Variants in ATP8A1 observed in about 807,000 individuals in gnomAD.
ATP8A1 encodes ATPase phospholipid transporting 8A1, also known as phospholipid-transporting ATPase IA.
Under a neutral mutation model 177.7 loss-of-function variants are expected in ATP8A1, and 90 were observed. That is an observed-to-expected ratio of 0.51 (90% CI 0.43 to 0.60). The LOEUF is 0.60. Among genes scored for constraint, ATP8A1 ranks in the 20% least tolerant of loss-of-function variants. The pLI, the probability that ATP8A1 is intolerant of heterozygous loss-of-function variation, is 0.00. For synonymous variants in ATP8A1, 493 were observed against 485.9 expected (o/e 1.01, Z -0.19); for missense variants, 1,072 against 1,392.8 (o/e 0.77, Z 3.67).
intron 16 of ATP8A1, 113 bp from the exon 17 acceptor site, chr4:42,552,723 C>T (rs577250827): frequency 2.7e-6 from 2 of 738,230 alleles, no homozygotes; most frequent in African/African-American, 3.6e-5. Flanking sequence ...CATGGTAGCT[C>T]ACACCTGTAA....
intron 5 of ATP8A1, among the ~76,000 whole-genome samples, chr4:42,607,043 T>C (rs1027059608): frequency 2.0e-5 from 3 of 152,220 alleles, no homozygotes; most frequent in Non-Finnish European, 4.4e-5. Flanking sequence ...TACCTTTACA[T>C]CCCTACACTG....
In ATP8A1 at chr4:42,418,964, T is replaced by C. The variant is rs138551720; in HGVS notation, c.3305+3843A>G. 3.9e-5 allele frequency among the ~76,000 whole-genome samples: 6 copies of C among 152,346 alleles called. No individual in the cohort carries two copies. In the East Asian group the frequency reaches 7.7e-4, roughly 20 times the overall value. ...CATTTTATACACAACTTGAGTTTAA[T>C]AGTCATACTTACTGAAGATTAAAAA... On this transcript the variant is annotated intron_variant, in intron 35 of 36. Transcript: ENST00000381668.
At chr4:42,574,778 C>A in intron 13 of ATP8A1, 71 bp from the exon 14 acceptor site, 1 of 1,052,258 alleles carries the variant, frequency 9.5e-7, no homozygotes, top group South Asian at 1.5e-5. Flanking sequence ...AGAAACCCCT[C>A]ATGCTTTTTA....
Position 42,479,996 on chromosome 4 carries a change from T to TTGTGTATGTG in ATP8A1, c.2324+5499_2324+5500insCACATACACA, listed in dbSNP as rs71200290. Among the ~76,000 whole-genome samples the TTGTGTATGTG allele has an allele frequency of 2.7e-3, 366 of 135,658 alleles. 1 individual carries two copies. The highest frequency in any genetic ancestry group is 3.9e-3 in the Non-Finnish European group (248 of 64,256). The allele number at this position is 135,658 out of a possible 152,430, so 89.0% of individuals were successfully genotyped here. ...AGAATTATGTAATCTGCAGTTCTGC[T>TTGTGTATGTG]TGTGTGTGTGTGTGTGTGTGTGTGT... On this transcript the variant is annotated intron_variant, in intron 25 of 36. Transcript: ENST00000381668.
intron 27 of ATP8A1, among the ~76,000 whole-genome samples, chr4:42,458,982 A>G (rs1045495061): frequency 6.6e-6 from 1 of 152,236 alleles, no homozygotes; most frequent in African/African-American, 2.4e-5. Flanking sequence ...TTTTCTGTCT[A>G]TTCATTCACA....
intron 6 of ATP8A1, among the ~76,000 whole-genome samples, chr4:42,594,994 A>G (rs766703476): frequency 6.6e-6 from 1 of 152,136 alleles, no homozygotes; most frequent in Non-Finnish European, 1.5e-5. Flanking sequence ...AGATAAAGAG[A>G]TACTATTTTC....
At chr4:42,574,032 T>C (rs1732166901) in intron 14 of ATP8A1, among the ~76,000 whole-genome samples, 2 of 152,218 alleles carry the variant, frequency 1.3e-5, no homozygotes. Context: ...CTTGTAAGCA[T>C]ACCTGGAAGT....
chr4:42,464,619 C>T (rs548367559), intron 27 of ATP8A1, 71 bp downstream of exon 27: 20 of 848,808 alleles, frequency 2.4e-5, no homozygotes, highest in Admixed American at 9.8e-5. Context: ...CATGAGAAAA[C>T]GTCTCCATAA....
At chr4:42,648,650 A>T (rs1006765498) in intron 1 of ATP8A1, among the ~76,000 whole-genome samples, 110 of 152,114 alleles carry the variant, frequency 7.2e-4, no homozygotes, top group Non-Finnish European at 1.4e-3. Context: ...GCAGAAATTT[A>T]AAAAAAGGAA....
chr4:42,631,765 T>C (rs907065545), intron 1 of ATP8A1, among the ~76,000 whole-genome samples: 12 of 152,208 alleles, frequency 7.9e-5, no homozygotes, highest in African/African-American at 2.7e-4. Flanking sequence ...CCAATGGGAT[T>C]ACCAAATCCT....
chr4:42,536,145 A>G (rs139687693), intron 20 of ATP8A1, among the ~76,000 whole-genome samples: 232 of 152,332 alleles, frequency 1.5e-3, no homozygotes, highest in Non-Finnish European at 1.8e-3. Flanking sequence ...ACAACTATAA[A>G]ATATAAATTA....
intron 3 of ATP8A1, among the ~76,000 whole-genome samples, chr4:42,624,932 A>T (rs1195197204): frequency 6.6e-6 from 1 of 152,106 alleles, no homozygotes; most frequent in Non-Finnish European, 1.5e-5. Context: ...TAGAAACACA[A>T]TGAATAACTG....
chr4:42,540,454 A>G (rs1310811735), intron 20 of ATP8A1, among the ~76,000 whole-genome samples: 2 of 152,016 alleles, frequency 1.3e-5, no homozygotes, highest in East Asian at 1.9e-4. Flanking sequence ...AAAAATCAAT[A>G]TATCAAAGGG....
At chr4:42,544,020 A>G in intron 19 of ATP8A1, 34 bp from the exon 20 acceptor site, 1 of 1,538,992 alleles carries the variant, frequency 6.5e-7, no homozygotes. Flanking sequence ...ATGTGTCATC[A>G]TACCAAGGAT....
At chr4:42,515,941 C>T (rs1276663083) in intron 22 of ATP8A1, among the ~76,000 whole-genome samples, 4 of 152,192 alleles carry the variant, frequency 2.6e-5, no homozygotes, top group Non-Finnish European at 5.9e-5. Flanking sequence ...TCTTTTCTAA[C>T]ATACCCCTAA....
In ATP8A1 at chr4:42,574,699, G is replaced by T; in HGVS notation, c.1215C>A (p.Tyr405Ter). 1 of 1,598,852 alleles carries T rather than the reference G, an allele frequency of 6.3e-7. No individual in the cohort carries two copies. Among genetic ancestry groups the T allele is most frequent in the Non-Finnish European group, 8.5e-7 (1 of 1,175,366 alleles). The change falls in exon 14 of 37, where the codon TAC (tyrosine) becomes TAA (stop). Residue 405 changes from tyrosine (Y) to a stop codon, truncating the protein, a stop_gained. Transcript: ENST00000381668. LOFTEE classifies it high-confidence loss of function. ...NLNEELGQVK[Y>*]IFSDKTGTLT... Reference sequence around the variant, plus strand: ...GAGTACCAGTTTTGTCAGAAAATATGTATTTAACCTAAAAAAGTTTAAAAT... The same window carrying T: ...GAGTACCAGTTTTGTCAGAAAATATTTATTTAACCTAAAAAAGTTTAAAAT...
At chr4:42,567,235 A>G (rs1226888674) in intron 15 of ATP8A1, among the ~76,000 whole-genome samples, 1 of 152,206 alleles carries the variant, frequency 6.6e-6, no homozygotes, top group African/African-American at 2.4e-5. Flanking sequence ...GAATCCAAGT[A>G]TATATTTAAA....
At chr4:42,443,950 G>C (rs1260924500) in intron 32 of ATP8A1, among the ~76,000 whole-genome samples, 1 of 151,982 alleles carries the variant, frequency 6.6e-6, no homozygotes, top group Non-Finnish European at 1.5e-5. Context: ...TTTTACCCCT[G>C]AACATTTGGA....
At chr4:42,505,405 A>T (rs376386951) in intron 23 of ATP8A1, among the ~76,000 whole-genome samples, 2 of 151,992 alleles carry the variant, frequency 1.3e-5, no homozygotes, top group Non-Finnish European at 2.9e-5. Context: ...TATTTTCCAC[A>T]TTTACTGCCC....
Sources: allele counts gnomAD v4.1 joint callset (sites outside exome capture counted in the v4.1 genomes callset), GRCh38; gene constraint gnomAD v4.1.1; transcripts MANE v1.5; gene names NCBI Gene and HGNC (gene_info 2026-07-23, HGNC 2026-07-21).